Variants in CNMD observed in about 807,000 individuals in gnomAD.
CNMD encodes the protein chondromodulin.
A neutral mutation model predicts 37.5 loss-of-function variants in CNMD; 30 were observed. The ratio of observed to expected loss-of-function variants is 0.80; its 90% CI spans 0.60 to 1.09. The LOEUF is 1.09. Among genes scored for constraint, CNMD ranks in the 50% least tolerant of loss-of-function variants. The pLI is 0.00. For missense variants in CNMD, 398 were observed against 423.9 expected (o/e 0.94, Z 0.54); for synonymous variants, 167 against 148.2 (o/e 1.13, Z -0.92).
chr13:52,707,833 G>A (rs1174840542), intron 6 of CNMD, among the ~76,000 whole-genome samples: 4 of 151,976 alleles, frequency 2.6e-5, no homozygotes, highest in Non-Finnish European at 5.9e-5. Flanking sequence ...GGTTGGGCGC[G>A]GTGGCTCACA....
At chr13:52,719,633 T>G (rs919886404) in intron 4 of CNMD, among the ~76,000 whole-genome samples, 1 of 152,206 alleles carries the variant, frequency 6.6e-6, no homozygotes, top group African/African-American at 2.4e-5. Context: ...ATTCTTTTCT[T>G]GAAGAGGTTG....
chr13:52,707,573 T>C (rs1450122013), intron 6 of CNMD, among the ~76,000 whole-genome samples: 1 of 152,136 alleles, frequency 6.6e-6, no homozygotes, highest in Non-Finnish European at 1.5e-5. Context: ...TGACTGCCTG[T>C]TGAATAAAGT....
In CNMD at chr13:52,712,754, T is replaced by G; in HGVS notation, c.584A>C (p.Asp195Ala). 9 of 1,550,840 alleles carry G rather than the reference T, an allele frequency of 5.8e-6. No homozygotes were observed. The highest frequency in any genetic ancestry group is 7.8e-6 in the Non-Finnish European group (9 of 1,148,298). ...LSSKVLELCGDLPIFWLKPTY... is the reference protein window; with the variant it reads ...LSSKVLELCGALPIFWLKPTY... ...TGGTTTAAGCCAGAAAATAGGAAGG[T>G]CACCGCAGAGTTCTAACACCTTAGA... The change falls in exon 5 of 7, where the codon GAC (aspartate) becomes GCC (alanine). Residue 195 changes from aspartate to alanine, a missense_variant. Coordinates refer to ENST00000377962, the MANE Select transcript of CNMD (RefSeq NM_007015.3).
chr13:52,703,463 G>T lies in CNMD; in HGVS notation c.*132C>A. ...AACAATTGAAAAAATTCTGTTAAGAGTGTCAAGAATAACCGCTCAGGTTGA... is the reference window on the plus strand; with the variant it reads ...AACAATTGAAAAAATTCTGTTAAGATTGTCAAGAATAACCGCTCAGGTTGA... On this transcript the variant is annotated 3_prime_UTR_variant, in exon 7 of 7. Transcript: ENST00000377962. 1.6e-6 allele frequency: 1 copy of T among 606,318 alleles called. No individual in the cohort carries two copies. The highest frequency in any genetic ancestry group is 2.9e-6 in the Non-Finnish European group (1 of 344,856). 37.6% of individuals were successfully genotyped at this position (606,318 alleles called of 1,614,324 possible).
At chr13:52,735,324 A>AG (rs1964738524) in intron 2 of CNMD, among the ~76,000 whole-genome samples, 1 of 152,182 alleles carries the variant, frequency 6.6e-6, no homozygotes, top group African/African-American at 2.4e-5. Context: ...CCTGGCAGGA[A>AG]ACACCCATGT....
chr13:52,726,393 C>A (rs1964572969), intron 3 of CNMD, among the ~76,000 whole-genome samples: 1 of 152,096 alleles, frequency 6.6e-6, no homozygotes, highest in Non-Finnish European at 1.5e-5. Flanking sequence ...GTTCACAAAC[C>A]TTCCCTTGTA....
Position 52,703,693 on chromosome 13 carries a change from A to G in CNMD, c.907T>C (p.Tyr303His), listed in dbSNP as rs1264248860. ...CQKICEPLGG[Y>H]YPWPYNYQGC... Reference sequence around the variant, plus strand: ...TGATAATTATAAGGCCATGGGTAATAGCCCCCCAGGGGTTCACAGATCTTC... The same window carrying G: ...TGATAATTATAAGGCCATGGGTAATGGCCCCCCAGGGGTTCACAGATCTTC... Residue 303 changes from tyrosine (Y) to histidine (H), a missense_variant, in exon 7 of 7, where the codon TAT becomes CAT. Tyr to His is a moderately conservative substitution (Grantham distance 83). Transcript: ENST00000377962. 2 of 1,614,036 alleles carry G rather than the reference A, an allele frequency of 1.2e-6. No homozygotes were observed. The highest frequency in any genetic ancestry group is 2.2e-5 in the South Asian group (2 of 91,084).
chr13:52,733,490 A>G (rs1284271116), intron 2 of CNMD, 131 bp from the exon 3 acceptor site: 1 of 801,306 alleles, frequency 1.2e-6, no homozygotes, highest in East Asian at 2.5e-5. Flanking sequence ...ATAATAATAC[A>G]TTTATATATG....
intron 3 of CNMD, among the ~76,000 whole-genome samples, chr13:52,724,790 G>GGGCC (rs1176770134): frequency 2.7e-4 from 41 of 152,096 alleles, no homozygotes; most frequent in African/African-American, 8.7e-4. Context: ...CCAGCTACTT[G>GGGCC]GGAGGCTGAG....
intron 4 of CNMD, among the ~76,000 whole-genome samples, chr13:52,719,405 C>T (rs1221005227): frequency 6.6e-6 from 1 of 152,192 alleles, no homozygotes; most frequent in Non-Finnish European, 1.5e-5. Flanking sequence ...TTAGTTGATG[C>T]AGTTTCTTCA....
chr13:52,717,172 T>C (rs1247888605), intron 4 of CNMD, among the ~76,000 whole-genome samples: 2 of 152,208 alleles, frequency 1.3e-5, no homozygotes, highest in Non-Finnish European at 2.9e-5. Flanking sequence ...GGAATGCTTG[T>C]GATTTTTGCA....
intron 2 of CNMD, among the ~76,000 whole-genome samples, chr13:52,737,672 T>C (rs1398802308): frequency 6.6e-6 from 1 of 152,228 alleles, no homozygotes; most frequent in African/African-American, 2.4e-5. Context: ...CATTGAGGCT[T>C]TGTTATTTAA....
At chr13:52,730,917 G>A (rs560753439) in intron 3 of CNMD, among the ~76,000 whole-genome samples, 4 of 152,212 alleles carry the variant, frequency 2.6e-5, no homozygotes, top group Non-Finnish European at 4.4e-5. Flanking sequence ...TGGACGAACC[G>A]GGGAGACTGT....
At chr13:52,718,676 T>G (rs1964430377) in intron 4 of CNMD, among the ~76,000 whole-genome samples, 1 of 152,208 alleles carries the variant, frequency 6.6e-6, no homozygotes, top group Non-Finnish European at 1.5e-5. Flanking sequence ...TAATCCTGAG[T>G]TCTAATTTGA....
rs928924666 is a variant in CNMD, at chr13:52,735,872, C to T, written c.214-2513G>A. Among the ~76,000 whole-genome samples, 23 of 149,442 alleles carry T rather than the reference C, an allele frequency of 1.5e-4. No individual in the cohort carries two copies. In the Admixed American group the frequency reaches 1.5e-3, roughly 10 times the overall value. On this transcript the variant is annotated intron_variant, in intron 2 of 6. Transcript: ENST00000377962. ...TGAGATGGAGTCTTGCTCTGTCACC[C>T]AAGCTGGGGTGCAGTGGCACAATCT...
rs561667817 is a variant in CNMD at position 52,703,395 on chromosome 13, G to C, written c.*200C>G. 1 of 488,072 alleles carries C rather than the reference G, an allele frequency of 2.0e-6. No homozygotes were observed. The highest frequency in any genetic ancestry group is 4.1e-5 in the South Asian group (1 of 24,682). 30.2% of individuals were successfully genotyped at this position (488,072 alleles called of 1,614,324 possible). ...AAAGGGGTTATGGCATTTTAGACTT[G>C]AACTACCCTTTCAGTACATTTGCAT... On this transcript the variant is annotated 3_prime_UTR_variant, in exon 7 of 7. Coordinates refer to ENST00000377962, the MANE Select transcript of CNMD (RefSeq NM_007015.3).
chr13:52,731,260 G>T (rs1964661713), intron 3 of CNMD, among the ~76,000 whole-genome samples: 1 of 152,168 alleles, frequency 6.6e-6, no homozygotes, highest in South Asian at 2.1e-4. Context: ...GTGTACGTCT[G>T]CCTCCTGAAC....
chr13:52,712,902 AG>A, intron 4 of CNMD, 33 bp from the exon 5 acceptor site: 1 of 1,496,344 alleles, frequency 6.7e-7, no homozygotes. Flanking sequence ...TTGAGCAAAG[AG>A]GACAGTGAAA....
At position 52,739,424 on chromosome 13, in the gene CNMD, C is replaced by T; in HGVS notation, c.72+206G>A. 1.5e-6 allele frequency: 1 copy of T among 666,348 alleles called. No homozygotes were observed. The highest frequency in any genetic ancestry group is 2.6e-6 in the Non-Finnish European group (1 of 389,628). 41.3% of individuals were successfully genotyped at this position (666,348 alleles called of 1,614,324 possible). ...CAGGACCTGCACCCTCTACCGGCCA[C>T]GGGACGTCCCTCCGCACCCGCCTGT... On this transcript the variant is annotated intron_variant, in intron 1 of 6. Transcript: ENST00000377962. This position sits in a 1 kb window ranked among gnomAD's most constrained non-coding sequence, Gnocchi z 5.4.
Sources: allele counts gnomAD v4.1 joint callset (sites outside exome capture counted in the v4.1 genomes callset), GRCh38; gene constraint gnomAD v4.1.1; non-coding constraint Gnocchi (gnomAD v3.1); transcripts MANE v1.5; gene names NCBI Gene and HGNC (gene_info 2026-07-23, HGNC 2026-07-21).